Variants in SLC14A2 observed in about 807,000 individuals in gnomAD.
SLC14A2 encodes urea transporter 2.
Under a neutral mutation model 104.6 loss-of-function variants are expected in SLC14A2, and 91 were observed. The observed-to-expected ratio is 0.87, with a 90% CI of 0.73 to 1.04. SLC14A2 has a LOEUF of 1.04. Ranked by LOEUF, SLC14A2 falls within the 50% of genes least tolerant of loss-of-function variation. SLC14A2 has a pLI of 0.00. For synonymous variants in SLC14A2, 476 were observed against 466.4 expected, an observed-to-expected ratio of 1.02 and a Z score of -0.27; for missense variants, 1,189 against 1,156.0, an observed-to-expected ratio of 1.03 and a Z score of -0.41.
At chr18:45,514,596 C>T (rs900485625) in intron 2 of SLC14A2, among the ~76,000 whole-genome samples, 1 of 152,140 alleles carries the variant, frequency 6.6e-6, no homozygotes, top group African/African-American at 2.4e-5. Flanking sequence ...GCTGTGGATG[C>T]CTACATTAGG....
intron 1 of SLC14A2, among the ~76,000 whole-genome samples, chr18:45,331,516 C>G (rs912764404): frequency 2.0e-5 from 3 of 151,846 alleles, no homozygotes; most frequent in Non-Finnish European, 4.4e-5. Context: ...ACGTGAAACC[C>G]TGTCTGTACT....
In SLC14A2 at chr18:45,671,074, G is replaced by A. The variant is rs754991324; in HGVS notation, c.2229+1576G>A. Among the ~76,000 whole-genome samples, 7 of 152,242 alleles carry A rather than the reference G, an allele frequency of 4.6e-5. No individual in the cohort carries two copies. In the South Asian group the frequency reaches 6.2e-4, roughly 14 times the overall value. On this transcript the variant is annotated intron_variant, in intron 16 of 19. Coordinates refer to ENST00000255226, the MANE Select transcript of SLC14A2 (RefSeq NM_007163.4). Reference sequence around the variant, plus strand: ...GGCAGTTCAGCTTCTTAAGCTGCCCGTTCTTAGTCTACCCAATTAATATCT... The same window carrying A: ...GGCAGTTCAGCTTCTTAAGCTGCCCATTCTTAGTCTACCCAATTAATATCT...
rs145015073 is a variant in SLC14A2 at position 45,631,035 on chromosome 18, C to G, written c.522-1315C>G. On this transcript the variant is annotated intron_variant, in intron 4 of 19. Coordinates refer to ENST00000255226, the MANE Select transcript of SLC14A2 (RefSeq NM_007163.4). ...CCCCCTTCCAAACCTAAGCCACAGC[C>G]CCTGCTGGGTTGGAGCCCTCCTCTA... Among the ~76,000 whole-genome samples the G allele has an allele frequency of 5.4e-3, 818 of 152,340 alleles. 10 individuals are homozygous for G. The highest frequency in any genetic ancestry group is 0.018 in the African/African-American group (755 of 41,586).
At chr18:45,322,358 A>G (rs1433595239) in intron 1 of SLC14A2, among the ~76,000 whole-genome samples, 1 of 152,216 alleles carries the variant, frequency 6.6e-6, no homozygotes, top group Non-Finnish European at 1.5e-5. Flanking sequence ...TTATTTTCAA[A>G]TAAGGAATAA....
At chr18:45,300,317 G>A (rs761803794) in intron 1 of SLC14A2, among the ~76,000 whole-genome samples, 125 of 152,044 alleles carry the variant, frequency 8.2e-4, no homozygotes, top group Non-Finnish European at 1.6e-3. Flanking sequence ...ACAGTGGAAG[G>A]CACTAAGGCT....
the SLC14A2 span, among the ~76,000 whole-genome samples, chr18:45,183,876 G>C: frequency 7.5e-5 from 11 of 147,054 alleles, no homozygotes; most frequent in African/African-American, 2.3e-4. Flanking sequence ...GGAACTGTAG[G>C]CAGCACCACC....
At chr18:45,292,658 G>A (rs971939593) in intron 1 of SLC14A2, among the ~76,000 whole-genome samples, 14 of 152,088 alleles carry the variant, frequency 9.2e-5, no homozygotes, top group African/African-American at 3.4e-4. Context: ...AAGTCTTATG[G>A]GAAATTGATA....
At position 45,669,329 on chromosome 18, in the gene SLC14A2, G is replaced by A; in HGVS notation, c.2060G>A (p.Gly687Asp). ...MSCPILSSAL[G>D]TIFSKWDLPV... ...AGCCCCATCCTCTCCAGTGCCCTGGGTACCATCTTCAGCAAGTGGGACCTC... is the reference window on the plus strand; with the variant it reads ...AGCCCCATCCTCTCCAGTGCCCTGGATACCATCTTCAGCAAGTGGGACCTC... The change falls in exon 16 of 20, where the codon GGT becomes GAT. Residue 687 changes from glycine to aspartate, a missense_variant. Physicochemically the swap from Gly to Asp is moderately conservative, Grantham distance 94 (BLOSUM62 -1). Transcript: ENST00000255226. The A allele has an allele frequency of 6.2e-7, 1 of 1,613,690 alleles. No homozygotes were observed. The highest frequency in any genetic ancestry group is 8.5e-7 in the Non-Finnish European group (1 of 1,179,750).
In SLC14A2 at chr18:45,475,103, A is replaced by G. The variant is rs148643787; in HGVS notation, c.-124-8130A>G. ...TCTTTCTTCTCATTGGTTTCAAAGA[A>G]CTTATTTATTTCTGCCTTAATTTCG... On this transcript the variant is annotated intron_variant, in intron 1 of 20. Coordinates refer to the SLC14A2 transcript ENST00000586448. Among the ~76,000 whole-genome samples the G allele has an allele frequency of 9.9e-5, 15 of 152,246 alleles. No individual in the cohort carries two copies. The East Asian group carries it at 1.9e-3, about 20-fold the overall frequency.
chr18:45,170,290 A>G, the SLC14A2 span, among the ~76,000 whole-genome samples: 2 of 152,094 alleles, frequency 1.3e-5, no homozygotes, highest in Non-Finnish European at 2.9e-5. Context: ...AGAGGTGAGG[A>G]GCATTAGAGA....
chr18:45,549,319 C>G (rs993777992), intron 2 of SLC14A2, among the ~76,000 whole-genome samples: 1 of 152,210 alleles, frequency 6.6e-6, no homozygotes, highest in Non-Finnish European at 1.5e-5. Flanking sequence ...ATGCAAACAA[C>G]TGATATTCAG....
chr18:45,365,291 T>G (rs1243519387), intron 1 of SLC14A2, among the ~76,000 whole-genome samples: 1 of 152,260 alleles, frequency 6.6e-6, no homozygotes, highest in East Asian at 1.9e-4. Flanking sequence ...TAGTAATCTT[T>G]GTAATCTTGC....
chr18:45,598,820 G>A (rs1258524595), intron 2 of SLC14A2, among the ~76,000 whole-genome samples: 1 of 152,174 alleles, frequency 6.6e-6, no homozygotes, highest in Non-Finnish European at 1.5e-5. Context: ...TTTCTAAGGA[G>A]CATCTTTCAG....
intron 4 of SLC14A2, among the ~76,000 whole-genome samples, chr18:45,631,245 CACAG>C (rs1261403014): frequency 6.6e-6 from 1 of 152,258 alleles, no homozygotes; most frequent in African/African-American, 2.4e-5. Context: ...GCAACGGACA[CACAG>C]ACACACTTCA....
chr18:45,232,330 A>G (rs1365040152), intron 1 of SLC14A2, among the ~76,000 whole-genome samples: 1 of 152,170 alleles, frequency 6.6e-6, no homozygotes, highest in Non-Finnish European at 1.5e-5. Flanking sequence ...TCAGCCAGTC[A>G]GATCTTATGA....
chr18:45,346,931 C>A (rs945321870), intron 1 of SLC14A2, among the ~76,000 whole-genome samples: 1 of 151,040 alleles, frequency 6.6e-6, no homozygotes, highest in African/African-American at 2.4e-5. Context: ...CACTGCACTG[C>A]ACTCCAGCCT....
chr18:45,678,784 TGCACCA>T (rs2144664701), intron 18 of SLC14A2, among the ~76,000 whole-genome samples, 185 bp from the exon 19 acceptor site: 1 of 152,334 alleles, frequency 6.6e-6, no homozygotes, highest in African/African-American at 2.4e-5. Context: ...CTGTCTTTGC[TGCACCA>T]GCATTTGCAT....
intron 1 of SLC14A2, among the ~76,000 whole-genome samples, chr18:45,309,871 T>C (rs947344758): frequency 6.6e-6 from 1 of 152,114 alleles, no homozygotes; most frequent in Non-Finnish European, 1.5e-5. Context: ...GAAGTAATCG[T>C]TATTCTAAAT....
intron 1 of SLC14A2, among the ~76,000 whole-genome samples, chr18:45,297,513 G>A (rs191578399): frequency 6.6e-6 from 1 of 152,330 alleles, no homozygotes; most frequent in East Asian, 1.9e-4. Context: ...CGCACTGGAA[G>A]TTACCCAGTC....
Sources: allele counts gnomAD v4.1 joint callset (sites outside exome capture counted in the v4.1 genomes callset), GRCh38; gene constraint gnomAD v4.1.1; transcripts MANE v1.5; gene names NCBI Gene and HGNC (gene_info 2026-07-23, HGNC 2026-07-21).